NAXD: variants seen among roughly 807,000 people sequenced by gnomAD.
NAXD encodes NAD(P)HX dehydratase.
A neutral mutation model predicts 35.8 loss-of-function variants in NAXD; 22 were observed. That is an observed-to-expected ratio of 0.62 (90% CI 0.44 to 0.88). The LOEUF is 0.88. Among genes scored for constraint, NAXD ranks in the 40% least tolerant of loss-of-function variants. The probability of loss-of-function intolerance (pLI) is 0.00; values close to 1 mark genes in which losing one functional copy is unlikely to be tolerated. For missense variants in NAXD, 428 were observed against 437.7 expected, an observed-to-expected ratio of 0.98 and a Z score of 0.20; for synonymous variants, 189 against 177.6, an observed-to-expected ratio of 1.06 and a Z score of -0.51.
intron 2 of NAXD, 35 bp from the exon 3 acceptor site, chr13:110,624,199 T>C (rs752318857): frequency 9.2e-6 from 13 of 1,409,870 alleles, no homozygotes; most frequent in South Asian, 1.2e-5. Context: ...TACCTTATTC[T>C]CAGAAGTTTT....
intron 1 of NAXD, among the ~76,000 whole-genome samples, chr13:110,618,402 T>TG (rs1181025218): frequency 2.6e-5 from 4 of 152,182 alleles, no homozygotes; most frequent in Non-Finnish European, 5.9e-5. Context: ...GCTGGTGGGT[T>TG]GATCAAGTTG....
In NAXD at chr13:110,638,795, A is replaced by AAATGAAGAAAATCACATGAG; in HGVS notation, c.*277_*296dup. The AAATGAAGAAAATCACATGAG allele has an allele frequency of 3.2e-6, 2 of 616,482 alleles. No homozygotes were observed. The highest frequency in any genetic ancestry group is 6.0e-6 in the Non-Finnish European group (2 of 335,224). 38.2% of individuals were successfully genotyped at this position (616,482 alleles called of 1,614,324 possible). A position where few individuals can be genotyped will look rare whatever the true frequency, so the allele number is the denominator to read the frequency against. ...TCCTTGGTAGTAACTGGGAAGACAG[A>AAATGAAGAAAATCACATGAG]AATGAAGAAAATCACATGAGAATGA... On this transcript the variant is annotated 3_prime_UTR_variant, in exon 10 of 10. Transcript: ENST00000680254. The surrounding 1 kb of genome is among the most constrained non-coding windows in gnomAD (Gnocchi z 5.4).
At chr13:110,630,911 G>T (rs1429526242) in intron 5 of NAXD, among the ~76,000 whole-genome samples, 2 of 152,202 alleles carry the variant, frequency 1.3e-5, no homozygotes, top group South Asian at 2.1e-4. Context: ...CTGTGGCTGT[G>T]TAGGAAGCCT....
At position 110,628,798 on chromosome 13, in the gene NAXD, G is replaced by A. The variant is rs1886596628; in HGVS notation, c.441+1251G>A. Reference sequence around the variant, plus strand: ...TGCAGGCTGCGGGTCTGCGGTGCACGGCTGCTGCTTCCTGTCCAGCTCTGC... The same window carrying A: ...TGCAGGCTGCGGGTCTGCGGTGCACAGCTGCTGCTTCCTGTCCAGCTCTGC... On this transcript the variant is annotated intron_variant, in intron 5 of 9. Transcript: ENST00000680254. The surrounding 1 kb of genome is among the most constrained non-coding windows in gnomAD (Gnocchi z 4.1). 6.6e-6 allele frequency among the ~76,000 whole-genome samples: 1 copy of A among 152,184 alleles called. No homozygotes were observed. Among genetic ancestry groups the A allele is most frequent in the Non-Finnish European group, 1.5e-5 (1 of 68,034 alleles).
At chr13:110,616,666 G>A (rs1456684876) in intron 1 of NAXD, among the ~76,000 whole-genome samples, 1 of 152,170 alleles carries the variant, frequency 6.6e-6, no homozygotes. Context: ...TGGTATTGGT[G>A]TATCTAACAT....
In NAXD at chr13:110,638,724, G is replaced by A; in HGVS notation, c.*196G>A. On this transcript the variant is annotated 3_prime_UTR_variant, in exon 10 of 10. Transcript: ENST00000680254. This position sits in a 1 kb window ranked among gnomAD's most constrained non-coding sequence, Gnocchi z 5.4. ...TGGTTAAACTTAATGCATGGTTGGA[G>A]ATGTTATGGCGACACTAAACAAAGT... 1.4e-6 allele frequency: 1 copy of A among 724,650 alleles called. No homozygotes were observed. The highest frequency in any genetic ancestry group is 1.7e-5 in the African/African-American group (1 of 57,732). 44.9% of individuals were successfully genotyped at this position (724,650 alleles called of 1,614,324 possible). A position where few individuals can be genotyped will look rare whatever the true frequency, so the allele number is the denominator to read the frequency against.
intron 7 of NAXD, 81 bp downstream of exon 7, chr13:110,634,857 C>T (rs779067399): frequency 2.3e-5 from 24 of 1,029,196 alleles, no homozygotes; most frequent in Non-Finnish European, 2.2e-5. Context: ...CATGCTTCTG[C>T]CCAGCCTGTC....
At chr13:110,636,399 C>T (rs1886926688) in intron 8 of NAXD, among the ~76,000 whole-genome samples, 1 of 152,200 alleles carries the variant, frequency 6.6e-6, no homozygotes, top group Admixed American at 6.5e-5. Flanking sequence ...CACAGTTGTG[C>T]TCACAGCCTC....
At chr13:110,626,682 G>A (rs561811696) in intron 4 of NAXD, among the ~76,000 whole-genome samples, 1 of 152,186 alleles carries the variant, frequency 6.6e-6, no homozygotes, top group Non-Finnish European at 1.5e-5. Flanking sequence ...AAGGGCCTGT[G>A]TGTGCGACTC....
intron 1 of NAXD, chr13:110,616,037 C>T (rs1185050812): frequency 1.3e-5 from 5 of 376,522 alleles, no homozygotes; most frequent in Non-Finnish European, 2.3e-5. Context: ...GGCCGGGGAA[C>T]GGGGGGCCGA....
intron 1 of NAXD, chr13:110,615,872 C>A (rs1348350753): frequency 1.9e-6 from 2 of 1,080,784 alleles, no homozygotes; most frequent in African/African-American, 1.7e-5. Context: ...GCCTGCGGGG[C>A]GGAGTAGGGA....
At chr13:110,632,602 A>G (rs901748732) in intron 5 of NAXD, among the ~76,000 whole-genome samples, 1 of 152,084 alleles carries the variant, frequency 6.6e-6, no homozygotes, top group South Asian at 2.1e-4. Context: ...TTCGACACAC[A>G]GGTTCTCCAA....
At chr13:110,626,298 C>T (rs978147729) in intron 4 of NAXD, among the ~76,000 whole-genome samples, 37 of 151,998 alleles carry the variant, frequency 2.4e-4, no homozygotes, top group African/African-American at 8.0e-4. Flanking sequence ...TGGAATTTGC[C>T]GACAGATTGG....
At chr13:110,634,805 A>G in intron 7 of NAXD, 29 bp downstream of exon 7, 2 of 1,545,052 alleles carry the variant, frequency 1.3e-6, no homozygotes, top group Non-Finnish European at 8.9e-7. Context: ...TGGAGGGTAG[A>G]TGCAAGCCCT....
intron 5 of NAXD, 52 bp from the exon 6 acceptor site, chr13:110,634,493 C>CCCACA: frequency 6.4e-7 from 1 of 1,573,812 alleles, no homozygotes; most frequent in South Asian, 1.1e-5. Context: ...AAGACACATA[C>CCCACA]CCACACCATA....
At chr13:110,635,664 A>G in intron 8 of NAXD, 76 bp downstream of exon 8, 1 of 1,556,370 alleles carries the variant, frequency 6.4e-7, no homozygotes, top group Admixed American at 1.7e-5. Flanking sequence ...TGAGCCCTGG[A>G]AGACCTCTCC....
chr13:110,625,264 C>T lies in NAXD; in HGVS notation c.318C>T (p.Ile106=), dbSNP rs201720770. 3.9e-5 allele frequency: 63 copies of T among 1,612,024 alleles called. No homozygotes were observed. In the Admixed American group the frequency reaches 7.5e-4, roughly 19 times the overall value. ...TTAAGGCCTACAGCCCGGAGCTGAT[C>T]GTCCACCCAGTTCTGTGAGTCGCTC... is the stretch of plus-strand genomic sequence containing the variant. ...PVIKAYSPEL[I]VHPVLDSPNA... is the part of the protein sequence containing the mutation. The change falls in exon 4 of 10, where the codon ATC becomes ATT. Residue 106 remains isoleucine (I), a synonymous_variant. Transcript: ENST00000680254.
rs368317046 is a variant in NAXD at position 110,633,488 on chromosome 13, G to C, written c.442-1057G>C. On this transcript the variant is annotated intron_variant, in intron 5 of 9. Coordinates refer to ENST00000680254, the MANE Select transcript of NAXD (RefSeq NM_001242882.2). ...CAGAAAGGGGCTCCCACAGTGCAGT[G>C]GTGGGCTGAAGGGCTCCTCAAATGC... Among the ~76,000 whole-genome samples, 483 of 152,166 alleles carry C rather than the reference G, an allele frequency of 3.2e-3. 2 individuals carry two copies. The highest frequency in any genetic ancestry group is 3.3e-3 in the Non-Finnish European group (221 of 67,866).
chr13:110,633,125 G>A (rs1339329952), intron 5 of NAXD, among the ~76,000 whole-genome samples: 2 of 152,180 alleles, frequency 1.3e-5, no homozygotes, highest in Non-Finnish European at 2.9e-5. Context: ...AGCCCATGGA[G>A]GGGGTGGGAG....
Sources: allele counts gnomAD v4.1 joint callset (sites outside exome capture counted in the v4.1 genomes callset), GRCh38; gene constraint gnomAD v4.1.1; non-coding constraint Gnocchi (gnomAD v3.1); transcripts MANE v1.5; gene names NCBI Gene and HGNC (gene_info 2026-07-23, HGNC 2026-07-21).